The following BET1 variants were observed in gnomAD, a reference collection of about 807,000 sequenced individuals.
BET1 encodes the protein BET1 homolog.
BET1 carries 9 observed loss-of-function variants against 13.9 expected under a neutral mutation model. The ratio of observed to expected loss-of-function variants is 0.65; its 90% CI spans 0.39 to 1.13. The LOEUF (loss-of-function observed/expected upper bound fraction) is 1.13, where lower values mean the gene tolerates loss of function less well. BET1 is among the 50% of genes most tolerant of loss of function. BET1 has a pLI of 0.01. For missense variants in BET1, 127 were observed against 133.6 expected (o/e 0.95, Z 0.24); for synonymous variants, 39 against 47.3 (o/e 0.82, Z 0.72).
chr7:93,983,154 G>C (rs1208125403), intron 4 of BET1, among the ~76,000 whole-genome samples: 1 of 152,116 alleles, frequency 6.6e-6, no homozygotes, highest in Non-Finnish European at 1.5e-5. Context: ...ATGACCCATG[G>C]CTTGTTGATT....
Position 93,993,397 on chromosome 7 carries a change from A to G in BET1, c.*833T>C. On this transcript the variant is annotated 3_prime_UTR_variant, in exon 4 of 4. Coordinates refer to ENST00000222547, the MANE Select transcript of BET1 (RefSeq NM_005868.6). ...TTCCATAAACAAATACACTGGATTA[A>G]AGCAATAATACTCTTATCTTCAAGT... 1.0e-6 allele frequency: 1 copy of G among 981,726 alleles called. No individual in the cohort carries two copies. Among genetic ancestry groups the G allele is most frequent in the Non-Finnish European group, 1.2e-6 (1 of 826,162 alleles). 60.8% of individuals were successfully genotyped at this position (981,726 alleles called of 1,614,324 possible).
rs1033872625 is a variant in BET1, at chr7:93,973,401, C to A, written c.*49-738G>T. Among the ~76,000 whole-genome samples, 35 of 152,000 alleles carry A rather than the reference C, an allele frequency of 2.3e-4. 1 individual carries two copies. The highest frequency in any genetic ancestry group is 2.0e-3 in the Admixed American group (31 of 15,212). On this transcript the variant is annotated intron_variant and NMD_transcript_variant, in intron 5 of 6. Coordinates refer to the BET1 transcript ENST00000357520. ...TAAAGGCTCAAAACTTCAGCTGTAT[C>A]TAGGAAGGTTTTGGGATCCTCAGTT...
intron 1 of BET1, among the ~76,000 whole-genome samples, chr7:94,001,631 G>A (rs746927644): frequency 3.3e-5 from 5 of 152,186 alleles, no homozygotes; most frequent in South Asian, 2.1e-4. Flanking sequence ...ATATTTTTCC[G>A]CTCAGTCAAA....
chr7:93,988,962 T>C (rs553582139), downstream of BET1, among the ~76,000 whole-genome samples: 19 of 147,434 alleles, frequency 1.3e-4, no homozygotes, highest in East Asian at 1.9e-4. Context: ...TATATATATA[T>C]ACATATATAA....
At chr7:93,965,204 A>G (rs990171803) in exon 7 of BET1, 3 of 152,086 alleles carry the variant, frequency 2.0e-5, no homozygotes, top group Non-Finnish European at 1.5e-5. Flanking sequence ...TTGAGGAATT[A>G]CAGACTTGAA....
chr7:93,975,485 C>T lies in BET1; in HGVS notation c.*48+419G>A, dbSNP rs149128905. Among the ~76,000 whole-genome samples the T allele has an allele frequency of 2.2e-3, 328 of 152,060 alleles. 2 individuals carry two copies. The highest frequency in any genetic ancestry group is 7.6e-3 in the African/African-American group (317 of 41,512). On this transcript the variant is annotated intron_variant and NMD_transcript_variant, in intron 5 of 6. Transcript: ENST00000357520. ...CATGTGATATTTAGAAAATGCATTA[C>T]TATTTTTATTTTTGGCCAGGAAATC...
intron 6 of BET1, among the ~76,000 whole-genome samples, chr7:93,970,556 G>C (rs1421491437): frequency 6.6e-6 from 1 of 151,660 alleles, no homozygotes; most frequent in East Asian, 1.9e-4. Flanking sequence ...TTCTTACTCT[G>C]TTGCCTTGTT....
At chr7:93,977,202 T>C (rs1460168080) in intron 4 of BET1, among the ~76,000 whole-genome samples, 1 of 152,142 alleles carries the variant, frequency 6.6e-6, no homozygotes, top group Non-Finnish European at 1.5e-5. Context: ...GGCTCATGCT[T>C]GTAATCTCAG....
At chr7:94,002,335 T>A (rs1233632254) in intron 1 of BET1, among the ~76,000 whole-genome samples, 4 of 149,838 alleles carry the variant, frequency 2.7e-5, no homozygotes, top group Non-Finnish European at 4.4e-5. Context: ...ATTCATACTT[T>A]AAAAAAAAAG....
intron 3 of BET1, 112 bp from the exon 4 acceptor site, chr7:93,994,497 G>C: frequency 8.3e-7 from 1 of 1,197,674 alleles, no homozygotes; most frequent in South Asian, 1.8e-5. Flanking sequence ...TGACAGTTTT[G>C]TGTTTAATCA....
intron 6 of BET1, chr7:93,969,786 T>A (rs1458031148): frequency 1.3e-5 from 2 of 151,840 alleles, no homozygotes; most frequent in African/African-American, 4.8e-5. Flanking sequence ...TTTAGTCTCT[T>A]TATCCTTGAT....
At chr7:94,004,071 A>T in intron 1 of BET1, 127 bp downstream of exon 1, 1 of 1,368,136 alleles carries the variant, frequency 7.3e-7, no homozygotes, top group Non-Finnish European at 1.0e-6. Flanking sequence ...TGGACCCCAA[A>T]GATCCCCTCT....
downstream of BET1, chr7:93,992,760 T>A (rs548844953): frequency 3.3e-6 from 3 of 920,652 alleles, no homozygotes; most frequent in African/African-American, 3.6e-5. Flanking sequence ...CAACATATTA[T>A]CTACTTCTCA....
At chr7:93,994,448 C>G in intron 3 of BET1, 63 bp from the exon 4 acceptor site, 4 of 1,461,030 alleles carry the variant, frequency 2.7e-6, no homozygotes, top group Non-Finnish European at 3.7e-6. Context: ...ATATGCATAT[C>G]CAAGTAATTG....
At chr7:94,003,698 C>A (rs2072432) in intron 1 of BET1, among the ~76,000 whole-genome samples, 68,112 of 151,968 alleles carry the variant, frequency 0.45, 16,505 homozygotes, top group African/African-American at 0.64. Flanking sequence ...CCCAGAAGTT[C>A]CAGTTCCAGG....
At chr7:93,984,132 G>T (rs985519445) in intron 4 of BET1, among the ~76,000 whole-genome samples, 1 of 152,164 alleles carries the variant, frequency 6.6e-6, no homozygotes, top group Non-Finnish European at 1.5e-5. Context: ...AGCTTCAGGT[G>T]GTTGCTGGCA....
intron 1 of BET1, 55 bp downstream of exon 1, chr7:94,004,142 GC>G: frequency 1.9e-6 from 3 of 1,613,202 alleles, no homozygotes; most frequent in Non-Finnish European, 2.5e-6. Context: ...TTCCTCCCGC[GC>G]CCCAGCGCTC....
At chr7:93,994,468 T>A in intron 3 of BET1, 83 bp from the exon 4 acceptor site, 7 of 1,344,720 alleles carry the variant, frequency 5.2e-6, no homozygotes, top group Non-Finnish European at 7.1e-6. Context: ...GAATAACTGT[T>A]ACCATAGTAC....
At chr7:93,985,240 T>C (rs1795503819) in intron 4 of BET1, among the ~76,000 whole-genome samples, 2 of 152,176 alleles carry the variant, frequency 1.3e-5, no homozygotes, top group Admixed American at 6.6e-5. Context: ...TAAAGTTTCA[T>C]GCTGAGCTAC....
Sources: gnomAD v4.1 joint callset for allele counts (sites outside exome capture counted in the v4.1 genomes callset) on GRCh38, gnomAD v4.1.1 for gene constraint, MANE v1.5 for transcripts, NCBI Gene and HGNC (gene_info 2026-07-23, HGNC 2026-07-21) for gene names.